Variants in RIN2 observed in about 807,000 individuals in gnomAD.
RIN2 encodes the protein Ras and Rab interactor 2, also known as RAB5 interacting protein 2.
RIN2 carries 36 observed loss-of-function variants against 78.0 expected under a neutral mutation model. That is an observed-to-expected ratio of 0.46 (90% CI 0.35 to 0.61). The LOEUF (loss-of-function observed/expected upper bound fraction) is 0.61, where lower values mean the gene tolerates loss of function less well. RIN2 is among the 20% of genes least tolerant of loss of function. The probability of loss-of-function intolerance (pLI) is 0.00; values close to 1 mark genes in which losing one functional copy is unlikely to be tolerated. For synonymous variants in RIN2, 466 were observed against 466.8 expected (o/e 1.00, Z 0.02); for missense variants, 1,087 against 1,159.7 (o/e 0.94, Z 0.91).
intron 2 of RIN2, among the ~76,000 whole-genome samples, chr20:19,838,425 C>T (rs1270660172): frequency 6.6e-6 from 1 of 152,066 alleles, no homozygotes; most frequent in Non-Finnish European, 1.5e-5. Context: ...ATGTTGTAAC[C>T]CATATCAGTA....
At chr20:19,777,421 C>A (rs1202862949) in intron 1 of RIN2, among the ~76,000 whole-genome samples, 1 of 152,260 alleles carries the variant, frequency 6.6e-6, no homozygotes, top group African/African-American at 2.4e-5. Flanking sequence ...TTCAGCTCTG[C>A]ATTCTTCCAC....
intron 1 of RIN2, among the ~76,000 whole-genome samples, chr20:19,760,489 G>C (rs1430683719): frequency 6.6e-6 from 1 of 152,100 alleles, no homozygotes; most frequent in African/African-American, 2.4e-5. Flanking sequence ...CTTCGCAGCA[G>C]CACTCTTATC....
rs200616000 is a variant in RIN2, at chr20:19,862,618, AAAC to A, written c.-36-26945_-36-26943del. Among the ~76,000 whole-genome samples the A allele has an allele frequency of 8.9e-3, 1,353 of 152,238 alleles. 25 individuals carry two copies. The highest frequency in any genetic ancestry group is 0.03 in the African/African-American group (1,260 of 41,522). On this transcript the variant is annotated intron_variant, in intron 2 of 12. Transcript: ENST00000255006. The stretch of plus-strand genomic sequence containing the variant: ...AAAACAAACAAACAAACAAACAAAC[AAAC>A]AAGCAAAAACAGAGTTGAACTCAAT...
intron 1 of RIN2, among the ~76,000 whole-genome samples, chr20:19,789,865 C>T (rs1171025486): frequency 6.6e-6 from 1 of 152,186 alleles, no homozygotes; most frequent in African/African-American, 2.4e-5. Flanking sequence ...TAATTTCTCT[C>T]CTTTGGTTCT....
intron 2 of RIN2, chr20:19,886,871 C>T (rs931069866): frequency 4.4e-6 from 3 of 680,872 alleles, no homozygotes; most frequent in South Asian, 2.1e-5. Flanking sequence ...CATGGGGAAG[C>T]GCAGGTGAAG....
chr20:19,921,535 TGAG>T (rs2039919354), intron 3 of RIN2, among the ~76,000 whole-genome samples: 1 of 152,176 alleles, frequency 6.6e-6, no homozygotes, highest in Non-Finnish European at 1.5e-5. Context: ...TGCTCTGAGC[TGAG>T]GAGACTGCAG....
At chr20:19,944,945 A>C (rs190247021) in intron 4 of RIN2, among the ~76,000 whole-genome samples, 219 of 152,328 alleles carry the variant, frequency 1.4e-3, no homozygotes, top group African/African-American at 4.9e-3. Flanking sequence ...TTTTGTGACT[A>C]TCCAAAAATT....
intron 2 of RIN2, among the ~76,000 whole-genome samples, chr20:19,832,545 G>T (rs1436713195): frequency 6.6e-6 from 1 of 151,618 alleles, no homozygotes. Flanking sequence ...CACCCTCCGG[G>T]CCATGACCCA....
chr20:19,903,540 A>G (rs191589611), intron 3 of RIN2, among the ~76,000 whole-genome samples: 4 of 152,282 alleles, frequency 2.6e-5, no homozygotes, highest in Non-Finnish European at 5.9e-5. Context: ...GTTCCGGGAC[A>G]GCTGGTTCCA....
chr20:19,952,606 G>A (rs1368141608), intron 4 of RIN2, among the ~76,000 whole-genome samples: 1 of 152,184 alleles, frequency 6.6e-6, no homozygotes, highest in Non-Finnish European at 1.5e-5. Context: ...GAGGTCACTT[G>A]TCAGAACAAA....
intron 5 of RIN2, among the ~76,000 whole-genome samples, chr20:19,959,344 C>G (rs534851873): frequency 1.2e-3 from 181 of 152,284 alleles, no homozygotes; most frequent in African/African-American, 4.0e-3. Flanking sequence ...GTTACTTCCT[C>G]TCCTAACAAC....
chr20:19,985,610 G>A (rs1415861451), intron 9 of RIN2, among the ~76,000 whole-genome samples: 2 of 152,132 alleles, frequency 1.3e-5, no homozygotes, highest in Admixed American at 6.5e-5. Context: ...GGTGTCTTAT[G>A]CCTATAATCC....
chr20:19,823,634 T>A, intron 2 of RIN2: 1 of 1,554,832 alleles, frequency 6.4e-7, no homozygotes, highest in Non-Finnish European at 8.8e-7. Flanking sequence ...TCAAAAGTGA[T>A]ATTCCCACTG....
chr20:19,872,379 G>T, intron 2 of RIN2: 1 of 152,338 alleles, frequency 6.6e-6, no homozygotes. Context: ...TTGGATATAC[G>T]AAGTAGGGAA....
chr20:19,907,315 A>G (rs1327045290), intron 3 of RIN2, among the ~76,000 whole-genome samples: 1 of 152,228 alleles, frequency 6.6e-6, no homozygotes, highest in Non-Finnish European at 1.5e-5. Flanking sequence ...AGTTTCCAAC[A>G]TATGAACTTT....
intron 2 of RIN2, among the ~76,000 whole-genome samples, chr20:19,822,863 CA>C (rs1166659657): frequency 6.6e-6 from 1 of 152,068 alleles, no homozygotes; most frequent in East Asian, 1.9e-4. Flanking sequence ...AATTTCTGAA[CA>C]ATGTACTCTG....
chr20:19,880,018 G>T (rs1347873842), intron 2 of RIN2, among the ~76,000 whole-genome samples: 6 of 152,156 alleles, frequency 3.9e-5, no homozygotes, highest in Non-Finnish European at 5.9e-5. Context: ...GGAGGCCAAG[G>T]CGGTCGGATC....
chr20:19,970,967 G>A, intron 8 of RIN2, 38 bp downstream of exon 8: 1 of 1,492,384 alleles, frequency 6.7e-7, no homozygotes, highest in East Asian at 2.3e-5. Flanking sequence ...ATCTAAAAAT[G>A]AATCCATGGA....
intron 2 of RIN2, among the ~76,000 whole-genome samples, chr20:19,838,108 G>A (rs1309952034): frequency 6.6e-6 from 1 of 152,074 alleles, no homozygotes; most frequent in Non-Finnish European, 1.5e-5. Context: ...TCTCTCATTG[G>A]AAGGCTATTT....
Sources: allele counts gnomAD v4.1 joint callset (sites outside exome capture counted in the v4.1 genomes callset), GRCh38; gene constraint gnomAD v4.1.1; transcripts MANE v1.5; gene names NCBI Gene and HGNC (gene_info 2026-07-23, HGNC 2026-07-21).